CNTNAP5: variants seen among roughly 807,000 people sequenced by gnomAD.
The protein encoded by CNTNAP5 is contactin associated protein family member 5, also known as contactin-associated protein-like 5.
In CNTNAP5, 72 loss-of-function variants were observed where a neutral mutation model predicts 150.2. That is an observed-to-expected ratio of 0.48 (90% CI 0.40 to 0.58). The LOEUF is 0.58. Among genes scored for constraint, CNTNAP5 ranks in the 20% least tolerant of loss-of-function variants. CNTNAP5 has a pLI of 0.00. For synonymous variants in CNTNAP5, 672 were observed against 619.8 expected (o/e 1.08, Z -1.25); for missense variants, 1,636 against 1,626.2 (o/e 1.01, Z -0.10).
intron 1 of CNTNAP5, among the ~76,000 whole-genome samples, chr2:124,142,636 AG>A (rs1684144476): frequency 7.4e-6 from 1 of 135,270 alleles, no homozygotes; most frequent in Non-Finnish European, 1.6e-5. Context: ...ACGCATTCAA[AG>A]CAGTGTGTAG....
intron 1 of CNTNAP5, among the ~76,000 whole-genome samples, chr2:124,127,549 G>GA (rs1370971690): frequency 2.6e-5 from 4 of 152,144 alleles, no homozygotes; most frequent in East Asian, 3.9e-4. Flanking sequence ...CACAGAATTG[G>GA]AAAAAACTAC....
chr2:124,466,761 C>A (rs540289846), intron 6 of CNTNAP5, among the ~76,000 whole-genome samples: 113 of 152,252 alleles, frequency 7.4e-4, no homozygotes, highest in African/African-American at 2.7e-3. Flanking sequence ...AGCAGGATTT[C>A]CAGCTCAGTC....
intron 1 of CNTNAP5, among the ~76,000 whole-genome samples, chr2:124,170,931 T>C (rs1529294): frequency 0.088 from 13,364 of 152,094 alleles, 802 homozygotes; most frequent in East Asian, 0.34. Flanking sequence ...ATCTCTTACG[T>C]AGGAAACCCA....
chr2:124,513,680 A>G (rs1694643830), intron 8 of CNTNAP5, among the ~76,000 whole-genome samples: 1 of 152,260 alleles, frequency 6.6e-6, no homozygotes, highest in Admixed American at 6.5e-5. Flanking sequence ...CAGTCCTGTT[A>G]CAACAATTAT....
intron 3 of CNTNAP5, among the ~76,000 whole-genome samples, chr2:124,346,684 A>T (rs1689743636): frequency 6.6e-6 from 1 of 152,142 alleles, no homozygotes; most frequent in Non-Finnish European, 1.5e-5. Flanking sequence ...TAGTAGCTAA[A>T]AATATGTTTA....
At chr2:124,257,613 A>T (rs572823950) in intron 3 of CNTNAP5, among the ~76,000 whole-genome samples, 1 of 152,210 alleles carries the variant, frequency 6.6e-6, no homozygotes, top group South Asian at 2.1e-4. Flanking sequence ...TCCTGATTCA[A>T]TTACTTCAAG....
chr2:124,525,535 A>T (rs1263443049), intron 9 of CNTNAP5, among the ~76,000 whole-genome samples: 1 of 152,238 alleles, frequency 6.6e-6, no homozygotes, highest in African/African-American at 2.4e-5. Flanking sequence ...GAATTTACAG[A>T]TCACTTCTCT....
At position 124,483,834 on chromosome 2, in the gene CNTNAP5, T is replaced by C. The variant is rs1422632965; in HGVS notation, c.1062+8952T>C. Among the ~76,000 whole-genome samples the C allele has an allele frequency of 2.6e-5, 4 of 152,234 alleles. No individual in the cohort carries two copies. In the South Asian group the frequency reaches 6.2e-4, roughly 24 times the overall value. ...CACACCTGGCATGGTCTTATCTTTG[T>C]AGAACTCAGAGTTCACAGCAGATGC... On this transcript the variant is annotated intron_variant, in intron 7 of 23. Coordinates refer to ENST00000682447, the MANE Select transcript of CNTNAP5 (RefSeq NM_001367498.1).
At chr2:124,197,137 G>A (rs967976085) in intron 1 of CNTNAP5, among the ~76,000 whole-genome samples, 3 of 152,074 alleles carry the variant, frequency 2.0e-5, no homozygotes, top group African/African-American at 7.2e-5. Flanking sequence ...TATAAGGTAC[G>A]AATAATCACA....
At chr2:124,387,700 A>G (rs1320686506) in intron 3 of CNTNAP5, among the ~76,000 whole-genome samples, 1 of 152,156 alleles carries the variant, frequency 6.6e-6, no homozygotes, top group Non-Finnish European at 1.5e-5. Flanking sequence ...CAATGGTGGA[A>G]TGTCATCAGT....
At chr2:124,502,416 GC>G (rs1203896889) in intron 7 of CNTNAP5, among the ~76,000 whole-genome samples, 1 of 152,182 alleles carries the variant, frequency 6.6e-6, no homozygotes, top group African/African-American at 2.4e-5. Context: ...CTTGGGTGAA[GC>G]TAAACTGGGT....
At chr2:124,162,663 G>T (rs533867224) in intron 1 of CNTNAP5, among the ~76,000 whole-genome samples, 1 of 152,194 alleles carries the variant, frequency 6.6e-6, no homozygotes, top group Admixed American at 6.5e-5. Context: ...ATCAAGATAA[G>T]GGTAAGATTA....
chr2:124,119,755 A>G (rs1435312182), intron 1 of CNTNAP5, among the ~76,000 whole-genome samples: 4 of 152,212 alleles, frequency 2.6e-5, no homozygotes, highest in Non-Finnish European at 5.9e-5. Context: ...AAGACAAGAT[A>G]TAAGATAGAC....
intron 4 of CNTNAP5, among the ~76,000 whole-genome samples, chr2:124,431,924 A>G (rs569783527): frequency 5.3e-5 from 8 of 152,114 alleles, no homozygotes; most frequent in Admixed American, 5.2e-4. Flanking sequence ...CCTTAGTTTA[A>G]TGTCTTTACC....
chr2:124,030,878 G>C (rs190307836), intron 1 of CNTNAP5, among the ~76,000 whole-genome samples: 1 of 152,184 alleles, frequency 6.6e-6, no homozygotes, highest in African/African-American at 2.4e-5. Context: ...GACATGACGG[G>C]TTGTAAGTCT....
At chr2:124,050,687 A>T (rs1573718340) in intron 1 of CNTNAP5, among the ~76,000 whole-genome samples, 1 of 152,076 alleles carries the variant, frequency 6.6e-6, no homozygotes, top group Non-Finnish European at 1.5e-5. Flanking sequence ...CTGGCAGGTG[A>T]GCTGAGCAGT....
intron 14 of CNTNAP5, among the ~76,000 whole-genome samples, chr2:124,760,155 G>T (rs58804790): frequency 1.3e-5 from 2 of 151,696 alleles, no homozygotes; most frequent in Non-Finnish European, 2.9e-5. Context: ...TCAGGAGAAG[G>T]GGGTGTGGGG....
chr2:124,628,483 A>G (rs1455911529), intron 12 of CNTNAP5, among the ~76,000 whole-genome samples: 1 of 152,190 alleles, frequency 6.6e-6, no homozygotes, highest in Non-Finnish European at 1.5e-5. Context: ...TGAGCAAAGA[A>G]AAAAGTAAAA....
intron 6 of CNTNAP5, among the ~76,000 whole-genome samples, chr2:124,449,935 A>G (rs1692923984): frequency 1.3e-5 from 2 of 152,292 alleles, no homozygotes; most frequent in South Asian, 2.1e-4. Flanking sequence ...TACTCACCAC[A>G]TGACCACTAA....
Sources: gnomAD v4.1 joint callset for allele counts (sites outside exome capture counted in the v4.1 genomes callset) on GRCh38, gnomAD v4.1.1 for gene constraint, MANE v1.5 for transcripts, NCBI Gene and HGNC (gene_info 2026-07-23, HGNC 2026-07-21) for gene names.